The following ZNF600 variants were observed in gnomAD, a reference collection of about 807,000 sequenced individuals.
ZNF600 encodes the protein zinc finger protein KR-ZNF1.
In ZNF600, 4 loss-of-function variants were observed where a neutral mutation model predicts 7.3. That is an observed-to-expected ratio of 0.55 (90% CI 0.27 to 1.25). The LOEUF is 1.25. ZNF600 is among the 50% of genes most tolerant of loss of function. ZNF600 has a pLI of 0.12. For missense variants in ZNF600, 911 were observed against 922.1 expected, an observed-to-expected ratio of 0.99 and a Z score of 0.16; for synonymous variants, 290 against 308.9, an observed-to-expected ratio of 0.94 and a Z score of 0.64.
chr19:52,798,518 G>A, the ZNF600 span: 37,527 of 508,104 alleles, frequency 0.074, 2,747 homozygotes, highest in African/African-American at 0.19. Context: ...GATGACATTT[G>A]TAAGATTTCT....
chr19:52,824,514 A>G, the ZNF600 span, among the ~76,000 whole-genome samples: 10 of 152,260 alleles, frequency 6.6e-5, no homozygotes, highest in Middle Eastern at 3.4e-3. Context: ...GCGCGCCTGT[A>G]GTCCCAGATA....
chr19:52,799,331 C>A, the ZNF600 span: 1 of 485,552 alleles, frequency 2.1e-6, no homozygotes, highest in Non-Finnish European at 3.8e-6. Flanking sequence ...ATTCAAAAAT[C>A]TTGTCATAAA....
At chr19:52,785,037 CCT>C (rs1203017297) in intron 1 of ZNF600, among the ~76,000 whole-genome samples, 1 of 151,826 alleles carries the variant, frequency 6.6e-6, no homozygotes, top group Non-Finnish European at 1.5e-5. Context: ...GCGCCCAGCC[CCT>C]CTTTCTTCAT....
intron 1 of ZNF600, 72 bp from the exon 3 acceptor site, chr19:52,781,127 A>G (rs924753205): frequency 1.3e-5 from 2 of 151,254 alleles, no homozygotes; most frequent in African/African-American, 4.9e-5. Context: ...ACTTGAGTCT[A>G]ATTACCCCGT....
intron 3 of ZNF600, among the ~76,000 whole-genome samples, chr19:52,769,000 C>T (rs2062610894): frequency 6.6e-6 from 1 of 152,180 alleles, no homozygotes; most frequent in Non-Finnish European, 1.5e-5. Context: ...GACCAGAAGA[C>T]AAGAGTGCGA....
chr19:52,803,257 A>C, the ZNF600 span, among the ~76,000 whole-genome samples: 1 of 151,456 alleles, frequency 6.6e-6, no homozygotes, highest in South Asian at 2.1e-4. Flanking sequence ...TTGTATTTTT[A>C]GTAGAGATGG....
the ZNF600 span, among the ~76,000 whole-genome samples, chr19:52,802,111 T>C: frequency 6.6e-6 from 1 of 152,232 alleles, no homozygotes; most frequent in Non-Finnish European, 1.5e-5. Flanking sequence ...CAATATACTA[T>C]ATTGGTAAAT....
chr19:52,817,637 A>C, the ZNF600 span, among the ~76,000 whole-genome samples: 3 of 152,128 alleles, frequency 2.0e-5, no homozygotes, highest in Admixed American at 6.6e-5. Context: ...GTGCATCCAG[A>C]TGTGGCCCCT....
the ZNF600 span, chr19:52,805,469 A>C: frequency 6.6e-6 from 1 of 151,384 alleles, no homozygotes; most frequent in African/African-American, 2.4e-5. Context: ...TCTACTAAAA[A>C]TACAAAACTT....
At chr19:52,805,874 G>A in the ZNF600 span, 1 of 151,980 alleles carries the variant, frequency 6.6e-6, no homozygotes, top group Non-Finnish European at 1.5e-5. Flanking sequence ...CAGCTTCTCA[G>A]GGGCCTGAGG....
chr19:52,777,031 G>C (rs1381775307), intron 2 of ZNF600, among the ~76,000 whole-genome samples: 1 of 152,042 alleles, frequency 6.6e-6, no homozygotes, highest in African/African-American at 2.4e-5. Context: ...ATGTAAGAAA[G>C]CATCCTGTAC....
intron 3 of ZNF600, among the ~76,000 whole-genome samples, chr19:52,769,831 A>C (rs1320180090): frequency 6.6e-6 from 1 of 152,200 alleles, no homozygotes; most frequent in Non-Finnish European, 1.5e-5. Flanking sequence ...CTGGGATTAC[A>C]GGTGTGAGCC....
chr19:52,766,468 G>A lies in ZNF600; in HGVS notation c.1495C>T (p.Leu499=), dbSNP rs371571568. The change falls in exon 4 of 4, where the codon CTA becomes TTA. Residue 499 remains leucine, a synonymous_variant. Coordinates refer to ENST00000648973, the Ensembl canonical transcript of ZNF600. ...CCAGTATGAATTGACTTATGAATTA[G>A]AAGATCTGAATTTTGACCAAAGGTC... is the stretch of plus-strand genomic sequence containing the variant. The A allele has an allele frequency of 3.5e-5, 57 of 1,613,566 alleles. No individual in the cohort carries two copies. In the African/African-American group the frequency reaches 6.1e-4, roughly 17 times the overall value.
chr19:52,796,822 TTTGA>T, the ZNF600 span, among the ~76,000 whole-genome samples: 1 of 152,236 alleles, frequency 6.6e-6, no homozygotes, highest in Non-Finnish European at 1.5e-5. Flanking sequence ...TTTACATTGC[TTTGA>T]TTGAGTCTCT....
At chr19:52,810,242 T>A in the ZNF600 span, 1 of 1,231,844 alleles carries the variant, frequency 8.1e-7, no homozygotes, top group East Asian at 2.3e-5. Flanking sequence ...GGAATATGAG[T>A]CTACCTCCAG....
At chr19:52,831,104 T>A in the ZNF600 span, among the ~76,000 whole-genome samples, 2 of 152,092 alleles carry the variant, frequency 1.3e-5, no homozygotes, top group Admixed American at 1.3e-4. Context: ...AAGCATATAC[T>A]CAACAATATG....
upstream of ZNF600, among the ~76,000 whole-genome samples, chr19:52,788,647 C>A (rs1327569892): frequency 3.9e-5 from 6 of 152,130 alleles, no homozygotes; most frequent in Non-Finnish European, 8.8e-5. Context: ...ACACACGCTG[C>A]AGCAGGACAC....
chr19:52,829,053 A>G, the ZNF600 span, among the ~76,000 whole-genome samples: 1 of 151,980 alleles, frequency 6.6e-6, no homozygotes, highest in Non-Finnish European at 1.5e-5. Flanking sequence ...TTTAGTAGAG[A>G]TGGGGTTTCA....
At chr19:52,798,440 A>C in the ZNF600 span, 1 of 432,410 alleles carries the variant, frequency 2.3e-6, no homozygotes. Context: ...ATTTGAAACA[A>C]CTGTCTCCAA....
Sources: allele counts gnomAD v4.1 joint callset (sites outside exome capture counted in the v4.1 genomes callset), GRCh38; gene constraint gnomAD v4.1.1; transcripts MANE v1.5; gene names NCBI Gene and HGNC (gene_info 2026-07-23, HGNC 2026-07-21).